Variants in ADARB2 observed in about 807,000 individuals in gnomAD.
ADARB2 encodes the protein adenosine deaminase RNA specific B2 (inactive).
In ADARB2, 25 loss-of-function variants were observed where a neutral mutation model predicts 62.2. The ratio of observed to expected loss-of-function variants is 0.40; its 90% confidence interval spans 0.29 to 0.56. The LOEUF (loss-of-function observed/expected upper bound fraction) is 0.56, where lower values mean the gene tolerates loss of function less well. ADARB2 is among the 20% of genes least tolerant of loss of function. The probability of loss-of-function intolerance (pLI) is 0.43; values close to 1 mark genes in which losing one functional copy is unlikely to be tolerated. For missense variants in ADARB2, 1,071 were observed against 1,077.4 expected, an observed-to-expected ratio of 0.99 and a Z score of 0.08; for synonymous variants, 572 against 500.8, an observed-to-expected ratio of 1.14 and a Z score of -1.90.
chr10:1,507,953 C>G (rs1289420194), intron 1 of ADARB2, among the ~76,000 whole-genome samples: 1 of 152,116 alleles, frequency 6.6e-6, no homozygotes, highest in African/African-American at 2.4e-5. Flanking sequence ...GTAACGTGGT[C>G]AGGGCTGTTC....
In ADARB2 at chr10:1,259,333, A is replaced by AC. The variant is rs763119101; in HGVS notation, c.1192+11621dup. Among the ~76,000 whole-genome samples the AC allele has an allele frequency of 3.7e-4, 56 of 152,142 alleles. No individual in the cohort carries two copies. The South Asian group carries it at 9.7e-3, about 26-fold the overall frequency. On this transcript the variant is annotated intron_variant, in intron 4 of 9. Coordinates refer to ENST00000381312, the MANE Select transcript of ADARB2 (RefSeq NM_018702.4). ...ACTGAAGGAAATAGAGACACAAAAA[A>AC]CCTTCAAAAAATTAATGAATCCAGG...
At chr10:1,276,324 C>T (rs1296412184) in intron 3 of ADARB2, among the ~76,000 whole-genome samples, 2 of 152,152 alleles carry the variant, frequency 1.3e-5, no homozygotes, top group East Asian at 1.9e-4. Context: ...AGTGTCTGTT[C>T]ATATCCTTCG....
chr10:1,364,975 C>T (rs868495510), intron 2 of ADARB2, among the ~76,000 whole-genome samples: 6 of 151,444 alleles, frequency 4.0e-5, no homozygotes, highest in African/African-American at 7.3e-5. Context: ...CAGATTCAAG[C>T]GATTCTTCTG....
At chr10:1,551,009 C>G (rs1832613943) in intron 1 of ADARB2, among the ~76,000 whole-genome samples, 1 of 152,158 alleles carries the variant, frequency 6.6e-6, no homozygotes, top group African/African-American at 2.4e-5. Flanking sequence ...CGTGGAAACC[C>G]TGACTCCCAG....
intron 1 of ADARB2, among the ~76,000 whole-genome samples, chr10:1,628,829 C>T (rs907145295): frequency 3.0e-4 from 45 of 152,374 alleles, no homozygotes; most frequent in African/African-American, 9.9e-4. Flanking sequence ...CGGCGGCCTC[C>T]GGCCAGGCCC....
At chr10:1,358,840 CAAACA>C (rs567871711) in intron 3 of ADARB2, among the ~76,000 whole-genome samples, 36 of 152,256 alleles carry the variant, frequency 2.4e-4, no homozygotes, top group African/African-American at 8.4e-4. Flanking sequence ...GATAAACTCA[CAAACA>C]AGTCAATAAA....
chr10:1,327,754 A>ACAGCGCCTCCTCACAGCT (rs1831884777), intron 3 of ADARB2, among the ~76,000 whole-genome samples: 1 of 61,972 alleles, frequency 1.6e-5, no homozygotes, highest in Non-Finnish European at 3.8e-5. Context: ...GCCTCACTGC[A>ACAGCGCCTCCTCACAGCT]CAGCGCCTCC....
chr10:1,617,157 G>A (rs1833649006), intron 1 of ADARB2, among the ~76,000 whole-genome samples: 1 of 141,658 alleles, frequency 7.1e-6, no homozygotes. Flanking sequence ...CTGCATCCTG[G>A]GAACTGGCCT....
At chr10:1,296,724 A>G (rs1163414364) in intron 3 of ADARB2, among the ~76,000 whole-genome samples, 2 of 152,264 alleles carry the variant, frequency 1.3e-5, no homozygotes, top group Admixed American at 1.3e-4. Context: ...AAGTGTGGAA[A>G]GGAGGAGGCC....
chr10:1,192,232 G>A (rs1394493548), intron 8 of ADARB2, among the ~76,000 whole-genome samples: 1 of 152,212 alleles, frequency 6.6e-6, no homozygotes, highest in East Asian at 1.9e-4. Context: ...AGTGAGGCAA[G>A]TCTGTGTCAC....
chr10:1,701,957 G>A (rs1261996425), intron 1 of ADARB2, among the ~76,000 whole-genome samples: 2 of 152,244 alleles, frequency 1.3e-5, no homozygotes, highest in African/African-American at 4.8e-5. Flanking sequence ...GTATAGAGGC[G>A]TGTGTATGCT....
At position 1,426,408 on chromosome 10, in the gene ADARB2, C is replaced by T. The variant is rs1317221372; in HGVS notation, c.101-47248G>A. Among the ~76,000 whole-genome samples the T allele has an allele frequency of 6.6e-6, 1 of 152,072 alleles. No homozygotes were observed. Among genetic ancestry groups the T allele is most frequent in the Admixed American group, 6.5e-5 (1 of 15,272 alleles). On this transcript the variant is annotated intron_variant, in intron 1 of 9. Coordinates refer to ENST00000381312, the MANE Select transcript of ADARB2 (RefSeq NM_018702.4). This position sits in a 1 kb window ranked among gnomAD's most constrained non-coding sequence, Gnocchi z 4.1. The stretch of plus-strand genomic sequence containing the variant: ...CTCTTTAAATTTCATGTTCCCTTGT[C>T]ATTGTTGCTGTAAAACCGAAGCCCT...
At chr10:1,339,102 G>A (rs549908895) in intron 3 of ADARB2, among the ~76,000 whole-genome samples, 1 of 152,288 alleles carries the variant, frequency 6.6e-6, no homozygotes, top group Non-Finnish European at 1.5e-5. Flanking sequence ...CTCCTCCCTG[G>A]ACCCCACACT....
chr10:1,556,899 A>G (rs1359549037), intron 1 of ADARB2: 7 of 497,684 alleles, frequency 1.4e-5, no homozygotes, highest in African/African-American at 5.9e-5. Context: ...GCCTCTTTTG[A>G]CCTCTATTCC....
At chr10:1,338,361 C>T (rs1831993154) in intron 3 of ADARB2, among the ~76,000 whole-genome samples, 1 of 152,216 alleles carries the variant, frequency 6.6e-6, no homozygotes, top group South Asian at 2.1e-4. Flanking sequence ...TCCATAATAA[C>T]TACATTGCAG....
intron 1 of ADARB2, among the ~76,000 whole-genome samples, chr10:1,506,267 C>T (rs557030211): frequency 3.0e-4 from 45 of 152,272 alleles, no homozygotes; most frequent in African/African-American, 1.0e-3. Flanking sequence ...CTCATTTCAA[C>T]TTCTCCTCCT....
intron 6 of ADARB2, among the ~76,000 whole-genome samples, chr10:1,229,058 G>C (rs545190655): frequency 6.6e-6 from 1 of 152,204 alleles, no homozygotes; most frequent in Non-Finnish European, 1.5e-5. Flanking sequence ...TGATAGATAA[G>C]CCAGAGCTGG....
At chr10:1,627,922 ACT>A (rs1447049540) in intron 1 of ADARB2, among the ~76,000 whole-genome samples, 1 of 151,916 alleles carries the variant, frequency 6.6e-6, no homozygotes, top group Non-Finnish European at 1.5e-5. Context: ...AGAAGGTGTG[ACT>A]CCCCCCAGCA....
chr10:1,246,985 T>C (rs1830991723), intron 4 of ADARB2, among the ~76,000 whole-genome samples: 1 of 152,164 alleles, frequency 6.6e-6, no homozygotes, highest in African/African-American at 2.4e-5. Context: ...TTCTTCCATT[T>C]GTTTGTATCC....
Sources: allele counts gnomAD v4.1 joint callset (sites outside exome capture counted in the v4.1 genomes callset), GRCh38; gene constraint gnomAD v4.1.1; non-coding constraint Gnocchi (gnomAD v3.1); transcripts MANE v1.5; gene names NCBI Gene and HGNC (gene_info 2026-07-23, HGNC 2026-07-21).